SOBP: variants seen among roughly 807,000 people sequenced by gnomAD.
SOBP encodes sine oculis binding protein homolog.
SOBP carries 4 observed loss-of-function variants against 53.6 expected under a neutral mutation model. The observed-to-expected ratio is 0.07, with a 90% CI of 0.04 to 0.17. SOBP has a LOEUF of 0.17. SOBP is among the 10% of genes least tolerant of loss of function. The pLI is 1.00. For synonymous variants in SOBP, 584 were observed against 522.6 expected, an observed-to-expected ratio of 1.12 and a Z score of -1.60; for missense variants, 1,088 against 1,204.7, an observed-to-expected ratio of 0.90 and a Z score of 1.43.
At chr6:107,576,877 C>G (rs1012951981) in intron 4 of SOBP, among the ~76,000 whole-genome samples, 1 of 152,208 alleles carries the variant, frequency 6.6e-6, no homozygotes, top group Non-Finnish European at 1.5e-5. Flanking sequence ...TTAAATTCAT[C>G]TGAGTGCTGA....
intron 1 of SOBP, among the ~76,000 whole-genome samples, chr6:107,492,133 T>C (rs996429415): frequency 6.6e-6 from 1 of 152,250 alleles, no homozygotes; most frequent in African/African-American, 2.4e-5. Flanking sequence ...CTGTTTCTTA[T>C]GGTGGAAACC....
intron 5 of SOBP, among the ~76,000 whole-genome samples, chr6:107,596,875 C>G (rs1402733402): frequency 6.6e-6 from 1 of 152,188 alleles, no homozygotes; most frequent in Non-Finnish European, 1.5e-5. Context: ...TCCCAACCTA[C>G]AGAAGAGACA....
chr6:107,490,804 G>A, intron 1 of SOBP, 92 bp downstream of exon 1: 2 of 975,434 alleles, frequency 2.1e-6, no homozygotes, highest in Non-Finnish European at 1.6e-6. Context: ...GTACCGGGGC[G>A]CGCTTGTCAG....
chr6:107,526,047 A>G (rs984374582), intron 3 of SOBP, among the ~76,000 whole-genome samples: 10 of 152,106 alleles, frequency 6.6e-5, no homozygotes, highest in Admixed American at 5.2e-4. Flanking sequence ...TCCCAGGTTC[A>G]AGCGATTCTC....
chr6:107,563,118 A>G (rs910852518), intron 4 of SOBP, among the ~76,000 whole-genome samples: 1 of 152,088 alleles, frequency 6.6e-6, no homozygotes, highest in African/African-American at 2.4e-5. Flanking sequence ...TTAGCTGGGC[A>G]TGGTGGTGAA....
rs772921485 is a variant in SOBP at position 107,503,762 on chromosome 6, G to A, written c.202G>A (p.Gly68Arg). 1 of 1,614,132 alleles carries A rather than the reference G, an allele frequency of 6.2e-7. No homozygotes were observed. The highest frequency in any genetic ancestry group is 8.5e-7 in the Non-Finnish European group (1 of 1,180,006). Residue 68 changes from glycine (G) to arginine (R), a missense_variant, in exon 2 of 7, where the codon GGG becomes AGG. Coordinates refer to ENST00000317357, the MANE Select transcript of SOBP (RefSeq NM_018013.4). ...DIEFRSYPTD[G>R]ESRQHISVLK... ...TGAATTCAGGAGCTACCCTACAGAT[G>A]GGGAGAGCCGGCAGCACATTTCTGT... is the stretch of plus-strand genomic sequence containing the variant.
In SOBP at chr6:107,564,566, T is replaced by C. The variant is rs1040426410; in HGVS notation, c.574-22514T>C. On this transcript the variant is annotated intron_variant, in intron 4 of 6. Coordinates refer to ENST00000317357, the MANE Select transcript of SOBP (RefSeq NM_018013.4). ...GGGGAGGCTTACTTCCCTCCTCGTA[T>C]GTTAGTTGTTGACCATAGCTCTGTG... Among the ~76,000 whole-genome samples, 5 of 152,352 alleles carry C rather than the reference T, an allele frequency of 3.3e-5. No homozygotes were observed. The South Asian group carries it at 6.2e-4, about 19-fold the overall frequency.
At chr6:107,560,206 C>T (rs1784734363) in intron 4 of SOBP, among the ~76,000 whole-genome samples, 1 of 152,192 alleles carries the variant, frequency 6.6e-6, no homozygotes, top group African/African-American at 2.4e-5. Flanking sequence ...AGGAGCCTTA[C>T]TTATCCTTCC....
At chr6:107,535,214 A>G (rs10457169) in intron 4 of SOBP, among the ~76,000 whole-genome samples, 6,384 of 152,244 alleles carry the variant, frequency 0.042, 275 homozygotes, top group African/African-American at 0.1. Flanking sequence ...TTGAAGAAAG[A>G]CACCTGATTC....
In SOBP at chr6:107,646,899, C is replaced by G. The variant is rs79329827; in HGVS notation, c.*4-11308C>G. On this transcript the variant is annotated intron_variant, in intron 6 of 6. Coordinates refer to ENST00000317357, the MANE Select transcript of SOBP (RefSeq NM_018013.4). ...CAGGTGAGGGAGAAAGGGACTTCAGCTCTCTGAGCCTCAGTCTCTATGTCA... is the reference window on the plus strand; with the variant it reads ...CAGGTGAGGGAGAAAGGGACTTCAGGTCTCTGAGCCTCAGTCTCTATGTCA... Among the ~76,000 whole-genome samples the G allele has an allele frequency of 5.6e-3, 848 of 152,294 alleles. 7 individuals are homozygous for G. Among genetic ancestry groups the G allele is most frequent in the African/African-American group, 0.019 (808 of 41,584 alleles).
At position 107,629,937 on chromosome 6, in the gene SOBP, TG is replaced by T. The variant is rs1770632574; in HGVS notation, c.670-3576del. On this transcript the variant is annotated intron_variant, in intron 5 of 6. Transcript: ENST00000317357. ...TTGTTTATCTCCTTTGTGATCTTTT[TG>T]TCTTCCTGGTGATACATTATGTATT... Among the ~76,000 whole-genome samples, 3 of 152,266 alleles carry T rather than the reference TG, an allele frequency of 2.0e-5. No homozygotes were observed. The South Asian group carries it at 6.2e-4, about 31-fold the overall frequency.
At chr6:107,521,254 G>T (rs1247877777) in intron 3 of SOBP, among the ~76,000 whole-genome samples, 1 of 150,034 alleles carries the variant, frequency 6.7e-6, no homozygotes, top group African/African-American at 2.5e-5. Context: ...CCACAGAGGG[G>T]TATATCTATG....
At position 107,635,569 on chromosome 6, in the gene SOBP, C is replaced by T. The variant is rs1308968409; in HGVS notation, c.*3+100C>T. 9.9e-6 allele frequency: 15 copies of T among 1,521,312 alleles called. No individual in the cohort carries two copies. The highest frequency in any genetic ancestry group is 1.4e-5 in the Non-Finnish European group (15 of 1,110,848). 94.2% of individuals were successfully genotyped at this position (1,521,312 alleles called of 1,614,324 possible). On this transcript the variant is annotated intron_variant, in intron 6 of 6. Coordinates refer to ENST00000317357, the MANE Select transcript of SOBP (RefSeq NM_018013.4). This position sits in a 1 kb window ranked among gnomAD's most constrained non-coding sequence, Gnocchi z 4.5. ...AGTTGTAATTATAGTCATGATTTTA[C>T]CGTGTGTGTTTTATATTGCACACGG...
At chr6:107,591,671 A>G (rs1452804007) in intron 5 of SOBP, among the ~76,000 whole-genome samples, 5 of 152,202 alleles carry the variant, frequency 3.3e-5, no homozygotes, top group African/African-American at 4.8e-5. Context: ...TCCCATATGC[A>G]GGGGTTTCAA....
At chr6:107,639,946 C>T (rs1771235148) in intron 6 of SOBP, among the ~76,000 whole-genome samples, 1 of 152,154 alleles carries the variant, frequency 6.6e-6, no homozygotes, top group Admixed American at 6.5e-5. Flanking sequence ...AATATAAGAC[C>T]CTTTTTCCTG....
At chr6:107,565,459 C>T (rs1156668524) in intron 4 of SOBP, among the ~76,000 whole-genome samples, 1 of 149,774 alleles carries the variant, frequency 6.7e-6, no homozygotes, top group Non-Finnish European at 1.5e-5. Context: ...AAGGATTGGA[C>T]CCAGATTGCA....
chr6:107,615,677 A>G (rs1182252799), intron 5 of SOBP, among the ~76,000 whole-genome samples: 1 of 152,056 alleles, frequency 6.6e-6, no homozygotes, highest in Non-Finnish European at 1.5e-5. Flanking sequence ...GAGAGTTCCT[A>G]CCTGCCCTGA....
intron 4 of SOBP, among the ~76,000 whole-genome samples, chr6:107,553,196 G>C (rs1378296132): frequency 6.6e-6 from 1 of 151,950 alleles, no homozygotes; most frequent in African/African-American, 2.4e-5. Context: ...GAAAGCTTCA[G>C]ATTGGAGTCT....
intron 4 of SOBP, among the ~76,000 whole-genome samples, chr6:107,542,062 A>G (rs950510358): frequency 4.6e-5 from 7 of 152,306 alleles, no homozygotes; most frequent in Admixed American, 4.6e-4. Context: ...CCCTGTCTTA[A>G]AGGGACTTAC....
Sources: allele counts gnomAD v4.1 joint callset (sites outside exome capture counted in the v4.1 genomes callset), GRCh38; gene constraint gnomAD v4.1.1; non-coding constraint Gnocchi (gnomAD v3.1); transcripts MANE v1.5; gene names NCBI Gene and HGNC (gene_info 2026-07-23, HGNC 2026-07-21).